SLC4A8: variants seen among roughly 807,000 people sequenced by gnomAD.
SLC4A8 encodes the protein electroneutral sodium bicarbonate exchanger 1.
In SLC4A8, 40 loss-of-function variants were observed where a neutral mutation model predicts 125.0. The observed-to-expected ratio is 0.32, with a 90% confidence interval of 0.25 to 0.42. The LOEUF is 0.42. SLC4A8 is among the 10% of genes least tolerant of loss of function. The pLI is 1.00. For synonymous variants in SLC4A8, 456 were observed against 476.0 expected, an observed-to-expected ratio of 0.96 and a Z score of 0.55; for missense variants, 863 against 1,355.1, an observed-to-expected ratio of 0.64 and a Z score of 5.70.
chr12:51,396,499 A>AT (rs11385382), intron 1 of SLC4A8, among the ~76,000 whole-genome samples: 138,518 of 152,152 alleles, frequency 0.91, 63,213 homozygotes, highest in Non-Finnish European at 0.94. Flanking sequence ...ATTTTAAAAA[A>AT]ATCAAAATTA....
At chr12:51,445,131 G>C (rs544970524) in intron 2 of SLC4A8, among the ~76,000 whole-genome samples, 2 of 152,230 alleles carry the variant, frequency 1.3e-5, no homozygotes, top group African/African-American at 4.8e-5. Context: ...ACAACACCAG[G>C]TCATCATTTT....
intron 20 of SLC4A8, 36 bp from the exon 21 acceptor site, chr12:51,494,909 C>T (rs1215031007): frequency 6.3e-7 from 1 of 1,591,186 alleles, no homozygotes; most frequent in Non-Finnish European, 8.6e-7. Flanking sequence ...ACCCAGAATG[C>T]CCTCCTGAAA....
Position 51,488,741 on chromosome 12 carries a change from C to T in SLC4A8, c.2329C>T (p.Pro777Ser). 6.2e-7 allele frequency: 1 copy of T among 1,613,760 alleles called. No individual in the cohort carries two copies. Among genetic ancestry groups the T allele is most frequent in the Non-Finnish European group, 8.5e-7 (1 of 1,179,728 alleles). The change falls in exon 18 of 25, where the codon CCC (proline) becomes TCC (serine). Residue 777 changes from proline to serine, a missense_variant. Coordinates refer to ENST00000453097, the MANE Select transcript of SLC4A8 (RefSeq NM_001039960.3). Reference sequence around the variant, plus strand: ...CGGATGGATTATTAATCCCATTGGCCCCAATCCCTGGTGGACTGTGATAGC... The same window carrying T: ...CGGATGGATTATTAATCCCATTGGCTCCAATCCCTGGTGGACTGTGATAGC... ...DRGWIINPIG[P>S]NPWWTVIAAI...
intron 1 of SLC4A8, among the ~76,000 whole-genome samples, chr12:51,393,854 C>T (rs1948208730): frequency 6.6e-6 from 1 of 152,162 alleles, no homozygotes. Context: ...CATCTGTAGA[C>T]CCTCTGGACT....
In SLC4A8 at chr12:51,444,680, G is replaced by A. The variant is rs184701323; in HGVS notation, c.130+3891G>A. On this transcript the variant is annotated intron_variant, in intron 2 of 24. Coordinates refer to ENST00000453097, the MANE Select transcript of SLC4A8 (RefSeq NM_001039960.3). ...GGACAGTGAGAACAATTGAACCATCGTGTCTTTTCTGAAGAATAACCTAGC... is the reference window on the plus strand; with the variant it reads ...GGACAGTGAGAACAATTGAACCATCATGTCTTTTCTGAAGAATAACCTAGC... 1.9e-3 allele frequency among the ~76,000 whole-genome samples: 291 copies of A among 152,220 alleles called. 1 individual carries two copies. The highest frequency in any genetic ancestry group is 6.5e-3 in the African/African-American group (270 of 41,528).
At chr12:51,452,015 C>T in intron 3 of SLC4A8, 109 bp from the exon 4 acceptor site, 2 of 989,748 alleles carry the variant, frequency 2.0e-6, no homozygotes, top group Admixed American at 2.2e-5. Flanking sequence ...TTTTCTTCTG[C>T]ATTCGTGGTT....
chr12:51,448,914 C>G (rs996559773), intron 2 of SLC4A8, among the ~76,000 whole-genome samples: 1 of 152,020 alleles, frequency 6.6e-6, no homozygotes, highest in Non-Finnish European at 1.5e-5. Context: ...GAGGAAACAG[C>G]AGAAGCTTGG....
chr12:51,423,899 G>T (rs1375496113), upstream of SLC4A8, among the ~76,000 whole-genome samples: 1 of 151,752 alleles, frequency 6.6e-6, no homozygotes, highest in Non-Finnish European at 1.5e-5. Context: ...AGCCGGGCGT[G>T]GTGGTGGGGA....
At chr12:51,402,508 G>A (rs1948410928) in intron 1 of SLC4A8, among the ~76,000 whole-genome samples, 1 of 152,140 alleles carries the variant, frequency 6.6e-6, no homozygotes, top group African/African-American at 2.4e-5. Flanking sequence ...GATCACCTGA[G>A]GTCGGGAGTT....
intron 1 of SLC4A8, among the ~76,000 whole-genome samples, chr12:51,440,049 G>A (rs892894796): frequency 6.6e-6 from 1 of 152,154 alleles, no homozygotes; most frequent in African/African-American, 2.4e-5. Context: ...GGAAGAAAAA[G>A]ACTAAGGATG....
chr12:51,413,456 T>A (rs1044232099), intron 1 of SLC4A8, among the ~76,000 whole-genome samples: 1 of 152,262 alleles, frequency 6.6e-6, no homozygotes, highest in African/African-American at 2.4e-5. Context: ...TTGTTGCCTA[T>A]GCTTTTGAAG....
intron 2 of SLC4A8, among the ~76,000 whole-genome samples, chr12:51,446,749 T>A (rs1949783370): frequency 6.6e-6 from 1 of 152,228 alleles, no homozygotes; most frequent in African/African-American, 2.4e-5. Flanking sequence ...TCAGAGGCCC[T>A]CTTAGGTGAG....
At chr12:51,502,046 C>G (rs778244444) in intron 22 of SLC4A8, 3 of 152,126 alleles carry the variant, frequency 2.0e-5, no homozygotes, top group Non-Finnish European at 2.9e-5. Context: ...ACAATCCTGA[C>G]TACAGTAGCC....
intron 1 of SLC4A8, among the ~76,000 whole-genome samples, chr12:51,400,572 A>G (rs1437751537): frequency 7.1e-6 from 1 of 140,850 alleles, no homozygotes; most frequent in African/African-American, 2.6e-5. Flanking sequence ...CCATAGAGTT[A>G]TATCAGTTTG....
chr12:51,479,393 T>C (rs373565796), intron 16 of SLC4A8, among the ~76,000 whole-genome samples: 4 of 152,106 alleles, frequency 2.6e-5, no homozygotes, highest in African/African-American at 4.8e-5. Flanking sequence ...TGGATTGAAA[T>C]GTAGACAAAG....
intron 1 of SLC4A8, among the ~76,000 whole-genome samples, chr12:51,412,236 T>C (rs1421970720): frequency 6.6e-6 from 1 of 152,182 alleles, no homozygotes; most frequent in East Asian, 1.9e-4. Context: ...GAATTTAATA[T>C]ATATCAATTG....
chr12:51,456,475 G>C (rs1326697281), intron 5 of SLC4A8, among the ~76,000 whole-genome samples: 3 of 152,128 alleles, frequency 2.0e-5, no homozygotes, highest in Non-Finnish European at 2.9e-5. Context: ...CTTCACATCA[G>C]GTACCTAATA....
Position 51,460,089 on chromosome 12 carries a change from G to A in SLC4A8, c.994G>A (p.Glu332Lys). Reference protein sequence around the residue: ...SPAVLLSGLTEVPIPTRFLFI... With the variant: ...SPAVLLSGLTKVPIPTRFLFI... The stretch of plus-strand genomic sequence containing the variant: ...AGCTGTTCTTCTCTCAGGCCTAACA[G>A]AAGTGCCAATCCCAACAAGGTAAAG... Residue 332 changes from glutamate (E) to lysine (K), a missense_variant, in exon 8 of 25, where the codon GAA (glutamate) becomes AAA (lysine). Coordinates refer to ENST00000453097, the MANE Select transcript of SLC4A8 (RefSeq NM_001039960.3). 6.2e-7 allele frequency: 1 copy of A among 1,613,982 alleles called. No homozygotes were observed. Among genetic ancestry groups the A allele is most frequent in the Non-Finnish European group, 8.5e-7 (1 of 1,179,850 alleles).
Position 51,495,007 on chromosome 12 carries a change from G to A in SLC4A8, c.2832G>A (p.Leu944=). Residue 944 remains leucine, a synonymous_variant, in exon 21 of 25, where the codon CTG becomes CTA. Coordinates refer to ENST00000453097, the MANE Select transcript of SLC4A8 (RefSeq NM_001039960.3). Reference sequence around the variant, plus strand: ...AGCACCAGCCAGATTTCATCTACCTGCGGCATGTGCCGCTGCGCAAAGTGC... The same window carrying A: ...AGCACCAGCCAGATTTCATCTACCTACGGCATGTGCCGCTGCGCAAAGTGC... ...PAKHQPDFIY[L]RHVPLRKVHL... The A allele has an allele frequency of 6.2e-7, 1 of 1,614,168 alleles. No homozygotes were observed. Among genetic ancestry groups the A allele is most frequent in the South Asian group, 1.1e-5 (1 of 91,080 alleles).
Sources: allele counts gnomAD v4.1 joint callset (sites outside exome capture counted in the v4.1 genomes callset), GRCh38; gene constraint gnomAD v4.1.1; transcripts MANE v1.5; gene names NCBI Gene and HGNC (gene_info 2026-07-23, HGNC 2026-07-21).